ASB17: variants seen among roughly 807,000 people sequenced by gnomAD.
ASB17 encodes the protein ankyrin repeat and SOCS box containing 17, also known as ankyrin repeat and SOCS box protein 17.
A neutral mutation model predicts 25.7 loss-of-function variants in ASB17; 26 were observed. The ratio of observed to expected loss-of-function variants is 1.01; its 90% CI spans 0.74 to 1.40. ASB17 has a LOEUF of 1.40. Among genes scored for constraint, ASB17 ranks in the 40% most tolerant of loss-of-function variants. The pLI is 0.00. For missense variants in ASB17, 326 were observed against 338.5 expected, an observed-to-expected ratio of 0.96 and a Z score of 0.29; for synonymous variants, 128 against 121.4, an observed-to-expected ratio of 1.05 and a Z score of -0.36.
At chr1:75,921,158 A>G (rs2100608022) in intron 2 of ASB17, among the ~76,000 whole-genome samples, 1 of 152,314 alleles carries the variant, frequency 6.6e-6, no homozygotes, top group South Asian at 2.1e-4. Context: ...TGTAACAATT[A>G]TGCAGAATTA....
At position 75,932,385 on chromosome 1, in the gene ASB17, C is replaced by G; in HGVS notation, c.-94G>C. ...TTTGACAATGTGGCAGGCTTTACTC[C>G]ACAAACAGAAGTGCCCTTTAAACTG... On this transcript the variant is annotated 5_prime_UTR_variant, in exon 1 of 3. Transcript: ENST00000284142. 8.4e-7 allele frequency: 1 copy of G among 1,194,338 alleles called. No homozygotes were observed. The highest frequency in any genetic ancestry group is 1.2e-6 in the Non-Finnish European group (1 of 856,782). The allele number at this position is 1,194,338 out of a possible 1,614,324, so 74.0% of individuals were successfully genotyped here.
Position 75,923,060 on chromosome 1 carries a change from A to T in ASB17, c.402-701T>A, listed in dbSNP as rs1432136737. 3.3e-5 allele frequency among the ~76,000 whole-genome samples: 5 copies of T among 152,350 alleles called. 1 individual carries two copies. In the East Asian group the frequency reaches 9.6e-4, roughly 29 times the overall value. On this transcript the variant is annotated intron_variant, in intron 1 of 2. Transcript: ENST00000284142. ...CAGAACTTTTTGATTTAACTTTATT[A>T]ATAGAAAGAATTATGTGATCATTTG...
At chr1:75,929,498 C>T (rs954917791) in intron 1 of ASB17, among the ~76,000 whole-genome samples, 7 of 151,996 alleles carry the variant, frequency 4.6e-5, no homozygotes, top group Admixed American at 6.6e-5. Flanking sequence ...GGATTACAGG[C>T]GTGAGCCATC....
chr1:75,924,008 C>A (rs1653101324), intron 1 of ASB17, among the ~76,000 whole-genome samples: 1 of 152,012 alleles, frequency 6.6e-6, no homozygotes, highest in Non-Finnish European at 1.5e-5. Flanking sequence ...GTGATAATCA[C>A]AATGATAGAA....
chr1:75,922,483 T>TTTTTA, intron 1 of ASB17, 124 bp from the exon 2 acceptor site: 1 of 531,302 alleles, frequency 1.9e-6, no homozygotes, highest in Non-Finnish European at 2.8e-6. Flanking sequence ...TAACTTTATA[T>TTTTTA]GTTTCTTTTT....
Position 75,922,240 on chromosome 1 carries a change from C to A in ASB17, c.521G>T (p.Arg174Ile), listed in dbSNP as rs1467040611. ...KILLQYGILEREKNPINIVLT... is the reference protein window; with the variant it reads ...KILLQYGILEIEKNPINIVLT... ...GACAATGTTGATAGGGTTTTTTTCT[C>A]TTTCTAAGATTCCATATTGCAGTAG... is the stretch of plus-strand genomic sequence containing the variant. Residue 174 changes from arginine (R) to isoleucine (I), a missense_variant, in exon 2 of 3, where the codon AGA becomes ATA. Transcript: ENST00000284142. 1 of 1,613,546 alleles carries A rather than the reference C, an allele frequency of 6.2e-7. No individual in the cohort carries two copies. The highest frequency in any genetic ancestry group is 1.1e-5 in the South Asian group (1 of 91,058).
rs182209781 is a variant in ASB17, at chr1:75,927,087, C to A, written c.402-4728G>T. Among the ~76,000 whole-genome samples, 42 of 152,228 alleles carry A rather than the reference C, an allele frequency of 2.8e-4. 1 individual carries two copies. ...AGATATGATGATATTACAGTGCTAG[C>A]TTTGAAGATGAAGAGGCTATCAGCC... On this transcript the variant is annotated intron_variant, in intron 1 of 2. Coordinates refer to ENST00000284142, the MANE Select transcript of ASB17 (RefSeq NM_080868.3).
At chr1:75,923,918 A>G (rs1290007832) in intron 1 of ASB17, among the ~76,000 whole-genome samples, 1 of 152,154 alleles carries the variant, frequency 6.6e-6, no homozygotes, top group East Asian at 1.9e-4. Flanking sequence ...AGAAGTAGAT[A>G]CACAGAGATA....
At chr1:75,931,751 AAC>A in intron 1 of ASB17, 138 bp downstream of exon 1, 1 of 633,022 alleles carries the variant, frequency 1.6e-6, no homozygotes, top group Non-Finnish European at 2.5e-6. Context: ...TGAAGGAGTG[AAC>A]ACGTGGTCAA....
At chr1:75,925,345 A>G (rs1212302280) in intron 1 of ASB17, among the ~76,000 whole-genome samples, 1 of 151,646 alleles carries the variant, frequency 6.6e-6, no homozygotes, top group African/African-American at 2.4e-5. Context: ...CTGGAGACTC[A>G]GGGGGCAAAA....
chr1:75,930,259 GTTATAT>G (rs1402537488), intron 1 of ASB17, among the ~76,000 whole-genome samples: 12 of 145,604 alleles, frequency 8.2e-5, no homozygotes, highest in Admixed American at 6.2e-4. Context: ...TATATAACTA[GTTATAT>G]TTATATTTAG....
rs1652995583 is a variant in ASB17, at chr1:75,920,393, A to G, written c.682-1235T>C. ...TATCTATTACTTGTATAATGCATTC[A>G]TTATTCAATTATTTAACTATTAAAG... On this transcript the variant is annotated intron_variant, in intron 2 of 2. Transcript: ENST00000284142. Among the ~76,000 whole-genome samples the G allele has an allele frequency of 2.0e-5, 3 of 152,204 alleles. No individual in the cohort carries two copies. The South Asian group carries it at 6.2e-4, about 31-fold the overall frequency.
chr1:75,925,551 T>A (rs1653148192), intron 1 of ASB17, among the ~76,000 whole-genome samples: 1 of 152,032 alleles, frequency 6.6e-6, no homozygotes, highest in Admixed American at 6.6e-5. Context: ...GTTTAAAGAG[T>A]ATGTTACTGT....
At chr1:75,930,169 A>T (rs950924072) in intron 1 of ASB17, among the ~76,000 whole-genome samples, 1 of 148,804 alleles carries the variant, frequency 6.7e-6, no homozygotes, top group Non-Finnish European at 1.5e-5. Context: ...TATTATATAT[A>T]TTCAAATATT....
chr1:75,930,312 GTA>G (rs1311322920), intron 1 of ASB17, among the ~76,000 whole-genome samples: 4 of 144,882 alleles, frequency 2.8e-5, no homozygotes, highest in South Asian at 2.1e-4. Context: ...TATATAACAT[GTA>G]TATATATAAC....
At chr1:75,925,446 T>A (rs1653146397) in intron 1 of ASB17, among the ~76,000 whole-genome samples, 2 of 152,138 alleles carry the variant, frequency 1.3e-5, no homozygotes, top group African/African-American at 4.8e-5. Context: ...TAATGAATAC[T>A]GAAAAATGTT....
rs1431200615 is a variant in ASB17 at position 75,922,134 on chromosome 1, T to C, written c.627A>G (p.Thr209=). 2 of 1,613,850 alleles carry C rather than the reference T, an allele frequency of 1.2e-6. No individual in the cohort carries two copies. Among genetic ancestry groups the C allele is most frequent in the African/African-American group, 2.7e-5 (2 of 74,936 alleles). Residue 209 remains threonine, a synonymous_variant, in exon 2 of 3, where the codon ACA becomes ACG. Transcript: ENST00000284142. ...ELADIHEDAK[T]CLVLCSRVLS... Reference sequence around the variant, plus strand: ...GCACTCTGGAACATAGTACCAAACATGTTTTGGCATCTTCATGGATGTCAG... The same window carrying C: ...GCACTCTGGAACATAGTACCAAACACGTTTTGGCATCTTCATGGATGTCAG...
At chr1:75,926,002 A>C (rs1653163638) in intron 1 of ASB17, among the ~76,000 whole-genome samples, 3 of 152,142 alleles carry the variant, frequency 2.0e-5, no homozygotes. Context: ...CTCAACATCT[A>C]AGTAAGTATG....
At chr1:75,921,472 T>C (rs1018315956) in intron 2 of ASB17, among the ~76,000 whole-genome samples, 1 of 152,210 alleles carries the variant, frequency 6.6e-6, no homozygotes, top group East Asian at 1.9e-4. Context: ...ATGGGCATGA[T>C]TCAATTTGAT....
Sources: gnomAD v4.1 joint callset for allele counts (sites outside exome capture counted in the v4.1 genomes callset) on GRCh38, gnomAD v4.1.1 for gene constraint, MANE v1.5 for transcripts, NCBI Gene and HGNC (gene_info 2026-07-23, HGNC 2026-07-21) for gene names.